The following PPARG variants were observed in gnomAD, a reference collection of about 807,000 sequenced individuals.
PPARG encodes peroxisome proliferator-activated receptor gamma.
PPARG carries 17 observed loss-of-function variants against 39.2 expected under a neutral mutation model. That is an observed-to-expected ratio of 0.43 (90% CI 0.30 to 0.65). The LOEUF (loss-of-function observed/expected upper bound fraction) is 0.65, where lower values mean the gene tolerates loss of function less well. PPARG is among the 30% of genes least tolerant of loss of function. The pLI is 0.13. For missense variants in PPARG, 406 were observed against 585.9 expected (o/e 0.69, Z 3.17); for synonymous variants, 223 against 215.7 (o/e 1.03, Z -0.30).
chr3:12,411,004 C>G (rs1472525006), intron 6 of PPARG, among the ~76,000 whole-genome samples: 1 of 152,124 alleles, frequency 6.6e-6, no homozygotes, highest in Non-Finnish European at 1.5e-5. Context: ...GATAGTAGTG[C>G]CAATTCATTT....
chr3:12,350,774 G>A (rs933590428), intron 2 of PPARG, among the ~76,000 whole-genome samples: 1 of 152,060 alleles, frequency 6.6e-6, no homozygotes, highest in East Asian at 1.9e-4. Context: ...AGCACTTATC[G>A]TTTAAACATC....
intron 1 of PPARG, among the ~76,000 whole-genome samples, chr3:12,310,265 TA>T (rs1051269407): frequency 2.6e-5 from 4 of 152,136 alleles, no homozygotes; most frequent in Admixed American, 6.5e-5. Flanking sequence ...TACCAGTTTC[TA>T]GAAATCTTTA....
rs1050780170 is a variant in PPARG at position 12,360,853 on chromosome 3, T to G, written c.-8-18851T>G. ...TACTGTTGATGGGCATTCAGATGGT[T>G]TTCAGTATTGCAAATAGTACTGCTA... On this transcript the variant is annotated intron_variant, in intron 2 of 7. Coordinates refer to ENST00000651735, the MANE Select transcript of PPARG (RefSeq NM_138711.6). Among the ~76,000 whole-genome samples, 4 of 152,172 alleles carry G rather than the reference T, an allele frequency of 2.6e-5. No homozygotes were observed. The South Asian group carries it at 8.3e-4, about 31-fold the overall frequency.
intron 2 of PPARG, among the ~76,000 whole-genome samples, chr3:12,368,500 T>C (rs2049100217): frequency 6.6e-6 from 1 of 152,138 alleles, no homozygotes. Flanking sequence ...TTTTCTTAAT[T>C]CATGGTGCCC....
chr3:12,326,734 A>AT (rs576076510), intron 2 of PPARG, among the ~76,000 whole-genome samples: 151 of 145,140 alleles, frequency 1.0e-3, no homozygotes, highest in African/African-American at 4.0e-3. Context: ...GAGATATATA[A>AT]AAAAAAAAAG....
upstream of PPARG, among the ~76,000 whole-genome samples, chr3:12,288,406 G>C (rs1160361668): frequency 1.3e-5 from 2 of 151,798 alleles, no homozygotes; most frequent in African/African-American, 4.8e-5. Flanking sequence ...GGTGCGTCCC[G>C]GCTTCCAGGA....
chr3:12,374,408 G>A (rs1032535752), intron 2 of PPARG, among the ~76,000 whole-genome samples: 2 of 152,052 alleles, frequency 1.3e-5, no homozygotes, highest in African/African-American at 4.8e-5. Context: ...AGACCAGCCT[G>A]GCCAACATAG....
intron 5 of PPARG, among the ~76,000 whole-genome samples, chr3:12,404,751 C>T (rs1043601944): frequency 2.6e-5 from 4 of 152,212 alleles, no homozygotes; most frequent in Non-Finnish European, 5.9e-5. Flanking sequence ...TTGCAGTGAG[C>T]TGGGATTGTG....
chr3:12,301,361 T>C (rs566283632), intron 1 of PPARG, among the ~76,000 whole-genome samples: 14 of 152,196 alleles, frequency 9.2e-5, no homozygotes, highest in Non-Finnish European at 1.8e-4. Flanking sequence ...AAAATAAAAC[T>C]GGTTCTCTTC....
At chr3:12,411,976 G>A (rs1047191527) in intron 6 of PPARG, among the ~76,000 whole-genome samples, 2 of 152,160 alleles carry the variant, frequency 1.3e-5, no homozygotes, top group African/African-American at 4.8e-5. Flanking sequence ...AGCCACACTC[G>A]ATGAGGCACA....
Position 12,407,881 on chromosome 3 carries a change from C to T in PPARG, c.729+1800C>T, listed in dbSNP as rs73027216. 6.0e-3 allele frequency among the ~76,000 whole-genome samples: 908 copies of T among 152,262 alleles called. 6 individuals are homozygous for T. Among genetic ancestry groups the T allele is most frequent in the Non-Finnish European group, 9.7e-3 (660 of 68,022 alleles). On this transcript the variant is annotated intron_variant, in intron 6 of 7. Transcript: ENST00000651735. Reference sequence around the variant, plus strand: ...AACAATAATATACCTGGATTCAATTCTTTACAGTATAAAAAAAACCTTGCA... The same window carrying T: ...AACAATAATATACCTGGATTCAATTTTTTACAGTATAAAAAAAACCTTGCA...
intron 2 of PPARG, among the ~76,000 whole-genome samples, chr3:12,351,242 T>C (rs2048476715): frequency 6.6e-6 from 1 of 152,366 alleles, no homozygotes; most frequent in Middle Eastern, 3.4e-3. Context: ...CTGATAATTC[T>C]AAATACAGTA....
intron 2 of PPARG, among the ~76,000 whole-genome samples, chr3:12,375,211 A>T (rs548951740): frequency 2.0e-5 from 3 of 152,050 alleles, no homozygotes; most frequent in Non-Finnish European, 4.4e-5. Flanking sequence ...ACACAGTGAG[A>T]TGCTGTCTCT....
At chr3:12,348,685 A>G (rs1236022648) in intron 2 of PPARG, among the ~76,000 whole-genome samples, 1 of 152,192 alleles carries the variant, frequency 6.6e-6, no homozygotes, top group Non-Finnish European at 1.5e-5. Flanking sequence ...CATAGTGCAT[A>G]AGGAAAGTGG....
At chr3:12,356,655 G>T (rs554900173) in intron 2 of PPARG, among the ~76,000 whole-genome samples, 2 of 152,072 alleles carry the variant, frequency 1.3e-5, no homozygotes, top group South Asian at 2.1e-4. Flanking sequence ...AATATTTATT[G>T]AGTGCCGATT....
At chr3:12,409,601 G>T (rs1230451065) in intron 6 of PPARG, among the ~76,000 whole-genome samples, 1 of 152,086 alleles carries the variant, frequency 6.6e-6, no homozygotes. Flanking sequence ...CTCTTGAGAG[G>T]GTGGGAGGTA....
chr3:12,397,378 TTTATTATTATTA>T (rs200520715), intron 5 of PPARG, among the ~76,000 whole-genome samples: 1,459 of 132,088 alleles, frequency 0.011, 28 homozygotes, highest in African/African-American at 0.031. Context: ...CCTATTCCTT[TTTATTATTATTA>T]TTATTATTAT....
intron 6 of PPARG, among the ~76,000 whole-genome samples, chr3:12,410,776 T>C (rs1448492927): frequency 6.6e-6 from 1 of 152,230 alleles, no homozygotes; most frequent in Non-Finnish European, 1.5e-5. Context: ...AGTTTGTGCA[T>C]TCTGAAATTT....
intron 2 of PPARG, among the ~76,000 whole-genome samples, chr3:12,374,497 G>A (rs777056509): frequency 1.1e-4 from 17 of 152,152 alleles, no homozygotes; most frequent in African/African-American, 3.9e-4. Context: ...TACTCAGGAG[G>A]CTGGGGCAGG....
Sources: allele counts gnomAD v4.1 joint callset (sites outside exome capture counted in the v4.1 genomes callset), GRCh38; gene constraint gnomAD v4.1.1; transcripts MANE v1.5; gene names NCBI Gene and HGNC (gene_info 2026-07-23, HGNC 2026-07-21).